VPS13B: variants seen among roughly 807,000 people sequenced by gnomAD.
VPS13B encodes intermembrane lipid transfer protein VPS13B.
VPS13B carries 285 observed loss-of-function variants against 426.4 expected under a neutral mutation model. The observed-to-expected ratio is 0.67, with a 90% confidence interval of 0.61 to 0.74. VPS13B has a LOEUF of 0.74. Ranked by LOEUF, VPS13B falls within the 30% of genes least tolerant of loss-of-function variation. The pLI, the probability that VPS13B is intolerant of heterozygous loss-of-function variation, is 0.00. For missense variants in VPS13B, 4,537 were observed against 4,782.6 expected (o/e 0.95, Z 1.51); for synonymous variants, 1,676 against 1,676.4 (o/e 1.00, Z 0.01).
chr8:99,511,563 G>C, intron 29 of VPS13B, 51 bp downstream of exon 29: 1 of 1,569,390 alleles, frequency 6.4e-7, no homozygotes, highest in Non-Finnish European at 8.6e-7. Context: ...TTCTTCTAGA[G>C]ACCTTAGTTT....
chr8:99,556,331 A>G (rs1043070189), intron 30 of VPS13B, 119 bp from the exon 31 acceptor site: 8 of 1,062,228 alleles, frequency 7.5e-6, no homozygotes, highest in Non-Finnish European at 1.1e-5. Context: ...CAGTTTATTC[A>G]TCAGTAATCC....
At position 99,640,046 on chromosome 8, in the gene VPS13B, GAAGAGAAAAGAAA is replaced by G. The variant is rs1204922095; in HGVS notation, c.5221-1763_5221-1751del. Among the ~76,000 whole-genome samples, 81 of 72,766 alleles carry G rather than the reference GAAGAGAAAAGAAA, an allele frequency of 1.1e-3. 1 individual carries two copies. The highest frequency in any genetic ancestry group is 1.7e-3 in the African/African-American group (29 of 17,010). 47.7% of individuals were successfully genotyped at this position (72,766 alleles called of 152,430 possible). A position where few individuals can be genotyped will look rare whatever the true frequency, so the allele number is the denominator to read the frequency against. ...ATAATAAGAAGAAGAAGAAGAAGAA[GAAGAGAAAAGAAA>G]AGAAAAGAAAAGAAAAGAAAAGAAA... is the stretch of plus-strand genomic sequence containing the variant. On this transcript the variant is annotated intron_variant, in intron 33 of 61. Coordinates refer to ENST00000357162, the MANE Select transcript of VPS13B (RefSeq NM_152564.5).
chr8:99,201,754 T>C (rs752118288), intron 17 of VPS13B, among the ~76,000 whole-genome samples: 4 of 152,212 alleles, frequency 2.6e-5, no homozygotes, highest in Admixed American at 6.5e-5. Context: ...GTAATCTTTA[T>C]GTTACATATA....
chr8:99,531,461 ATCTTTTC>A (rs1822931959), intron 30 of VPS13B, among the ~76,000 whole-genome samples: 1 of 152,118 alleles, frequency 6.6e-6, no homozygotes, highest in Non-Finnish European at 1.5e-5. Context: ...AGTGTTATGA[ATCTTTTC>A]TCTTTTCTCC....
intron 51 of VPS13B, among the ~76,000 whole-genome samples, chr8:99,826,165 T>G (rs1226029740): frequency 6.6e-6 from 1 of 152,204 alleles, no homozygotes; most frequent in Non-Finnish European, 1.5e-5. Context: ...TTGGGCAGTA[T>G]GGCCATTTTC....
At chr8:99,782,807 GAAATCATTGCT>G (rs932010148) in intron 42 of VPS13B, among the ~76,000 whole-genome samples, 1 of 152,110 alleles carries the variant, frequency 6.6e-6, no homozygotes, top group African/African-American at 2.4e-5. Context: ...GTCAAGTTTT[GAAATCATTGCT>G]ACCAATTAAA....
At chr8:99,621,890 G>A (rs1310361464) in intron 33 of VPS13B, among the ~76,000 whole-genome samples, 4 of 133,882 alleles carry the variant, frequency 3.0e-5, no homozygotes, top group Admixed American at 8.9e-5. Context: ...CTGCAGTGCA[G>A]TAGCACAATC....
Position 99,618,282 on chromosome 8 carries a change from CAAAAAA to C in VPS13B, c.5221-23515_5221-23510del, listed in dbSNP as rs11301760. ...ATAATAATTCTTCATGTGTATATTT[CAAAAAA>C]AAAAAAAAAAAAATTCTGTCAATTG... is the stretch of plus-strand genomic sequence containing the variant. On this transcript the variant is annotated intron_variant, in intron 33 of 61. Coordinates refer to ENST00000357162, the MANE Select transcript of VPS13B (RefSeq NM_152564.5). Among the ~76,000 whole-genome samples the C allele has an allele frequency of 2.1e-4, 25 of 117,236 alleles. No individual in the cohort carries two copies. The East Asian group carries it at 2.5e-3, about 12-fold the overall frequency. 76.9% of individuals were successfully genotyped at this position (117,236 alleles called of 152,430 possible). A position where few individuals can be genotyped will look rare whatever the true frequency, so the allele number is the denominator to read the frequency against.
At chr8:99,034,548 T>C (rs1842657289) in intron 2 of VPS13B, among the ~76,000 whole-genome samples, 1 of 152,140 alleles carries the variant, frequency 6.6e-6, no homozygotes, top group Non-Finnish European at 1.5e-5. Flanking sequence ...ACAACAGATA[T>C]ACAGTCTTCT....
At chr8:99,874,566 C>T (rs1470924281) in intron 61 of VPS13B, among the ~76,000 whole-genome samples, 3 of 152,028 alleles carry the variant, frequency 2.0e-5, no homozygotes, top group East Asian at 1.9e-4. Context: ...GCAAAAACCA[C>T]GGAAAGTTTG....
intron 40 of VPS13B, 76 bp downstream of exon 40, chr8:99,767,046 C>G: frequency 1.4e-6 from 2 of 1,406,116 alleles, no homozygotes; most frequent in Non-Finnish European, 1.0e-6. Context: ...TCTAGTGACC[C>G]CTCACTTAAC....
chr8:99,633,403 C>G (rs1828929661), intron 33 of VPS13B, among the ~76,000 whole-genome samples: 1 of 151,950 alleles, frequency 6.6e-6, no homozygotes, highest in South Asian at 2.1e-4. Flanking sequence ...GCTTCAGGGT[C>G]AGGGCTGATT....
chr8:99,512,290 G>A (rs1020647402), intron 29 of VPS13B, among the ~76,000 whole-genome samples: 5 of 152,110 alleles, frequency 3.3e-5, no homozygotes, highest in Non-Finnish European at 1.5e-5. Flanking sequence ...ACACATGAAT[G>A]GTTAAGAATA....
At chr8:99,074,477 C>T (rs1257985225) in intron 3 of VPS13B, among the ~76,000 whole-genome samples, 1 of 147,622 alleles carries the variant, frequency 6.8e-6, no homozygotes, top group Non-Finnish European at 1.5e-5. Flanking sequence ...CACTGCACTC[C>T]AGCCTGGGTG....
At chr8:99,705,028 C>T (rs772830530) in intron 36 of VPS13B, among the ~76,000 whole-genome samples, 5 of 152,040 alleles carry the variant, frequency 3.3e-5, no homozygotes, top group Non-Finnish European at 7.4e-5. Flanking sequence ...GCCTACCGTC[C>T]GTGAAACATG....
intron 35 of VPS13B, among the ~76,000 whole-genome samples, chr8:99,695,686 C>T (rs1354518782): frequency 2.4e-5 from 3 of 123,110 alleles, no homozygotes; most frequent in African/African-American, 9.5e-5. Context: ...TACCCTAAAA[C>T]TTAAAGTATA....
intron 19 of VPS13B, among the ~76,000 whole-genome samples, chr8:99,344,686 C>CT (rs547119206): frequency 1.3e-4 from 20 of 151,672 alleles, no homozygotes; most frequent in Non-Finnish European, 2.8e-4. Context: ...TGAATTTGAA[C>CT]TTTTTTTTCA....
chr8:99,051,014 T>A (rs1239646370), intron 3 of VPS13B, among the ~76,000 whole-genome samples: 1 of 152,212 alleles, frequency 6.6e-6, no homozygotes, highest in Non-Finnish European at 1.5e-5. Context: ...TCTTTTGCTG[T>A]GCAGAAGCTC....
chr8:99,416,089 G>A (rs1015347667), intron 21 of VPS13B, among the ~76,000 whole-genome samples: 1 of 152,220 alleles, frequency 6.6e-6, no homozygotes, highest in Non-Finnish European at 1.5e-5. Context: ...TGGGGCTGCT[G>A]CCTTTCTTTC....
Sources: gnomAD v4.1 joint callset for allele counts (sites outside exome capture counted in the v4.1 genomes callset) on GRCh38, gnomAD v4.1.1 for gene constraint, MANE v1.5 for transcripts, NCBI Gene and HGNC (gene_info 2026-07-23, HGNC 2026-07-21) for gene names.